The following BAHCC1 variants were observed in gnomAD, a reference collection of about 807,000 sequenced individuals.
BAHCC1 encodes the protein BAH domain and coiled-coil containing 1, also known as BAH and coiled-coil domain-containing protein 1.
In BAHCC1, 43 loss-of-function variants were observed where a neutral mutation model predicts 88.2. The observed-to-expected ratio is 0.49, with a 90% CI of 0.38 to 0.63. The LOEUF is 0.63. Among genes scored for constraint, BAHCC1 ranks in the 20% least tolerant of loss-of-function variants. The pLI is 0.00. For synonymous variants in BAHCC1, 1,510 were observed against 745.5 expected (o/e 2.03, Z -16.71); for missense variants, 3,023 against 1,654.8 (o/e 1.83, Z -14.34).
chr17:81,408,685 CCTT>C (rs1184059197), intron 2 of BAHCC1, among the ~76,000 whole-genome samples: 2 of 152,198 alleles, frequency 1.3e-5, no homozygotes, highest in African/African-American at 4.8e-5. Flanking sequence ...GGCCTGCAGC[CCTT>C]CTTGTCCCCT....
At chr17:81,417,557 C>CGCG (rs71166139) in intron 2 of BAHCC1, among the ~76,000 whole-genome samples, 1 of 104,224 alleles carries the variant, frequency 9.6e-6, no homozygotes, top group Non-Finnish European at 2.1e-5. Context: ...CGTCGGCCAC[C>CGCG]CCCCCCCCGC....
At chr17:81,398,612 CCCA>C (rs782638916) in intron 1 of BAHCC1, among the ~76,000 whole-genome samples, 10 of 152,138 alleles carry the variant, frequency 6.6e-5, no homozygotes, top group Non-Finnish European at 1.2e-4. Flanking sequence ...AAGCACCCCC[CCCA>C]CACACACCCC....
At chr17:81,407,852 A>ACACT (rs2063900307) in intron 2 of BAHCC1, among the ~76,000 whole-genome samples, 1 of 152,204 alleles carries the variant, frequency 6.6e-6, no homozygotes, top group Non-Finnish European at 1.5e-5. Context: ...CTGCACACAC[A>ACACT]CACTCACACT....
chr17:81,449,630 T>C (rs1478608), intron 11 of BAHCC1, among the ~76,000 whole-genome samples: 54,631 of 151,652 alleles, frequency 0.36, 10,151 homozygotes, highest in Non-Finnish European at 0.38. Flanking sequence ...GGAAGGGGCC[T>C]GCAGATGTGC....
chr17:81,439,308 G>C (rs1336476733), intron 4 of BAHCC1, among the ~76,000 whole-genome samples: 2 of 152,226 alleles, frequency 1.3e-5, no homozygotes, highest in Admixed American at 6.5e-5. Flanking sequence ...TTAGTTACCA[G>C]GTTCCAGTGA....
In BAHCC1 at chr17:81,444,764, C is replaced by T. The variant is rs2064491492; in HGVS notation, c.2609C>T (p.Ala870Val). 2 of 778,552 alleles carry T rather than the reference C, an allele frequency of 2.6e-6. No individual in the cohort carries two copies. Among genetic ancestry groups the T allele is most frequent in the Admixed American group, 1.7e-5 (1 of 58,908 alleles). 48.2% of individuals were successfully genotyped at this position (778,552 alleles called of 1,614,324 possible). ...TCTGTCTTCCCCCTCCCACAGGACG[C>T]CCCCACACAGCTGGTCATCCTGCCC... The part of the protein sequence containing the change: ...VPSVFPLPQD[A>V]PTQLVILPSE... The change falls in exon 8 of 28, where the codon GCC becomes GTC. Residue 870 changes from alanine (A) to valine (V), a missense_variant. Physicochemically the swap from Ala to Val is moderately conservative, Grantham distance 64. Coordinates refer to ENST00000675386, the MANE Select transcript of BAHCC1 (RefSeq NM_001377448.1).
At chr17:81,425,730 TTGG>T (rs1230015929) in intron 2 of BAHCC1, among the ~76,000 whole-genome samples, 3 of 133,428 alleles carry the variant, frequency 2.2e-5, no homozygotes, top group Admixed American at 1.5e-4. Context: ...GGTGATGTGG[TTGG>T]TGGTGATGTG....
chr17:81,457,136 G>A (rs569697277), intron 16 of BAHCC1, among the ~76,000 whole-genome samples: 84 of 152,146 alleles, frequency 5.5e-4, no homozygotes, highest in African/African-American at 1.6e-3. Flanking sequence ...GGACTTTCTG[G>A]GGAGGGGGCC....
At chr17:81,419,446 C>A (rs768254525) in intron 2 of BAHCC1, among the ~76,000 whole-genome samples, 4 of 152,266 alleles carry the variant, frequency 2.6e-5, no homozygotes, top group Non-Finnish European at 1.5e-5. Flanking sequence ...TTCCTGCCTC[C>A]CCTCCCGTCC....
At position 81,435,888 on chromosome 17, in the gene BAHCC1, C is replaced by T. The variant is rs932898569; in HGVS notation, c.359-2482C>T. On this transcript the variant is annotated intron_variant, in intron 3 of 27. Coordinates refer to ENST00000675386, the MANE Select transcript of BAHCC1 (RefSeq NM_001377448.1). This position sits in a 1 kb window ranked among gnomAD's most constrained non-coding sequence, Gnocchi z 4.4. The stretch of plus-strand genomic sequence containing the variant: ...CCACAGCAGCCCTGCCTTCTGGCTT[C>T]TGGCCTCAGAACAGCTGCTCTGATT... 1.3e-5 allele frequency among the ~76,000 whole-genome samples: 2 copies of T among 152,222 alleles called. No individual in the cohort carries two copies. The highest frequency in any genetic ancestry group is 4.8e-5 in the African/African-American group (2 of 41,458).
chr17:81,449,542 G>A (rs1183182216), intron 11 of BAHCC1, among the ~76,000 whole-genome samples: 1 of 152,204 alleles, frequency 6.6e-6, no homozygotes, highest in Non-Finnish European at 1.5e-5. Flanking sequence ...CCACACGCCT[G>A]TAGCCTGCAA....
chr17:81,446,816 G>A, intron 10 of BAHCC1: 3 of 681,104 alleles, frequency 4.4e-6, no homozygotes, highest in South Asian at 1.5e-5. Flanking sequence ...GCCTCCCAAA[G>A]TTTTGGGATT....
At chr17:81,432,570 C>CGGGCCCACCCTCCCTCCCATCGCA (rs1598477713) in intron 3 of BAHCC1, among the ~76,000 whole-genome samples, 1 of 143,358 alleles carries the variant, frequency 7.0e-6, no homozygotes, top group African/African-American at 2.6e-5. Context: ...CTCCCATCGC[C>CGGGCCCACCCTCCCTCCCATCGCA]GGGCCCACCC....
At chr17:81,397,237 G>C (rs1478744685) in intron 1 of BAHCC1, 1 of 152,166 alleles carries the variant, frequency 6.6e-6, no homozygotes, top group Non-Finnish European at 1.5e-5. Flanking sequence ...CCTCCTGTTT[G>C]CTTAAAAAGT....
rs1335551664 is a variant in BAHCC1, at chr17:81,466,205, AAAAAC to A, written c.*2393_*2397del. On this transcript the variant is annotated 3_prime_UTR_variant, in exon 28 of 28. Transcript: ENST00000675386. Reference sequence around the variant, plus strand: ...TGGATTTTTTTTCAATGTAAACACTAAAAACAAAATGGACAAAAAAACACACAAAG... The same window carrying A: ...TGGATTTTTTTTCAATGTAAACACTAAAAATGGACAAAAAAACACACAAAG... The A allele has an allele frequency of 1.3e-5, 2 of 152,538 alleles. No homozygotes were observed. The highest frequency in any genetic ancestry group is 3.8e-4 in the East Asian group (2 of 5,198). 9.4% of individuals were successfully genotyped at this position (152,538 alleles called of 1,614,324 possible).
At position 81,443,306 on chromosome 17, in the gene BAHCC1, G is replaced by C. The variant is rs1555653247; in HGVS notation, c.1957G>C (p.Val653Leu). 4 of 779,304 alleles carry C rather than the reference G, an allele frequency of 5.1e-6. No individual in the cohort carries two copies. The highest frequency in any genetic ancestry group is 9.6e-6 in the Non-Finnish European group (4 of 417,838). 48.3% of individuals were successfully genotyped at this position (779,304 alleles called of 1,614,324 possible). A position where few individuals can be genotyped will look rare whatever the true frequency, so the allele number is the denominator to read the frequency against. The change falls in exon 5 of 28, where the codon GTG becomes CTG. Residue 653 changes from valine to leucine, a missense_variant. Val to Leu is a conservative substitution (Grantham distance 32, BLOSUM62 1). Transcript: ENST00000675386. ...GGTGGTGGGCCAGAAAGCACCCTTG[G>C]TGGGCCTGGGTGGCCTCAAGGCCAG... ...ALVVGQKAPL[V>L]GLGGLKASCI...
intron 6 of BAHCC1, 149 bp downstream of exon 6, chr17:81,444,066 G>GC: frequency 1.6e-6 from 1 of 617,638 alleles, no homozygotes; most frequent in Non-Finnish European, 2.9e-6. Flanking sequence ...CACCCCTAGA[G>GC]CCTTTCTGGA....
At chr17:81,456,676 C>T (rs935648086) in intron 16 of BAHCC1, 91 bp downstream of exon 16, 5 of 632,236 alleles carry the variant, frequency 7.9e-6, no homozygotes, top group Admixed American at 5.7e-5. Flanking sequence ...ATGGCCGCCA[C>T]CAGGGCTGGG....
intron 2 of BAHCC1, among the ~76,000 whole-genome samples, chr17:81,417,010 G>C (rs1480040527): frequency 6.6e-6 from 1 of 152,174 alleles, no homozygotes. Flanking sequence ...TCCACAGCTA[G>C]ACTGGACATG....
Sources: allele counts gnomAD v4.1 joint callset (sites outside exome capture counted in the v4.1 genomes callset), GRCh38; gene constraint gnomAD v4.1.1; non-coding constraint Gnocchi (gnomAD v3.1); transcripts MANE v1.5; gene names NCBI Gene and HGNC (gene_info 2026-07-23, HGNC 2026-07-21).